ARNT2: variants seen among roughly 807,000 people sequenced by gnomAD.
ARNT2 encodes the protein ARNT protein 2.
In ARNT2, 36 loss-of-function variants were observed where a neutral mutation model predicts 91.7. The observed-to-expected ratio is 0.39, with a 90% CI of 0.30 to 0.52. The LOEUF is 0.52. Among genes scored for constraint, ARNT2 ranks in the 20% least tolerant of loss-of-function variants. ARNT2 has a pLI of 0.72. For synonymous variants in ARNT2, 365 were observed against 347.1 expected, an observed-to-expected ratio of 1.05 and a Z score of -0.57; for missense variants, 775 against 939.3, an observed-to-expected ratio of 0.83 and a Z score of 2.29.
Position 80,593,751 on chromosome 15 carries a change from G to A in ARNT2, c.*53G>A, listed in dbSNP as rs1398764228. On this transcript the variant is annotated 3_prime_UTR_variant, in exon 19 of 19. Transcript: ENST00000303329. ...ACAGTGCCACCCATACTGTGATGTC[G>A]ATGCCCATGTGAATGAGGCCCACCC... 2.7e-6 allele frequency: 4 copies of A among 1,503,696 alleles called. No individual in the cohort carries two copies. Among genetic ancestry groups the A allele is most frequent in the Admixed American group, 1.9e-5 (1 of 52,000 alleles). The allele number at this position is 1,503,696 out of a possible 1,614,324, so 93.1% of individuals were successfully genotyped here.
intron 8 of ARNT2, among the ~76,000 whole-genome samples, chr15:80,524,099 A>G (rs896890268): frequency 9.2e-5 from 14 of 152,250 alleles, no homozygotes; most frequent in African/African-American, 2.9e-4. Context: ...AGAAATGAGC[A>G]AAGGCAATGA....
At chr15:80,520,283 G>A (rs181299749) in intron 8 of ARNT2, among the ~76,000 whole-genome samples, 17 of 152,256 alleles carry the variant, frequency 1.1e-4, no homozygotes, top group South Asian at 8.3e-4. Flanking sequence ...TATTAAAGTC[G>A]TAAACCTCTG....
chr15:80,429,819 A>C (rs1046014982), intron 1 of ARNT2, among the ~76,000 whole-genome samples: 1 of 152,078 alleles, frequency 6.6e-6, no homozygotes, highest in Non-Finnish European at 1.5e-5. Flanking sequence ...AGTTTGAGAA[A>C]AAAGCCCGCC....
rs747721660 is a variant in ARNT2, at chr15:80,470,447, C to T, written c.408+16C>T. ...CACAGAGCAGGTACCCTGGTCATCA[C>T]ATCACCATTGGAAAGCGGGGGGAAT... On this transcript the variant is annotated intron_variant, in intron 4 of 18. Transcript: ENST00000303329. 1.2e-6 allele frequency: 2 copies of T among 1,611,470 alleles called. No individual in the cohort carries two copies. The highest frequency in any genetic ancestry group is 1.1e-5 in the South Asian group (1 of 91,010).
chr15:80,446,237 G>T (rs1979027), intron 1 of ARNT2, among the ~76,000 whole-genome samples: 137,048 of 152,172 alleles, frequency 0.9, 61,797 homozygotes, highest in East Asian at 1. Flanking sequence ...GACGTTCTGT[G>T]CTAGGCGAAA....
At chr15:80,434,931 G>C (rs569997987) in intron 1 of ARNT2, among the ~76,000 whole-genome samples, 1 of 152,284 alleles carries the variant, frequency 6.6e-6, no homozygotes, top group East Asian at 1.9e-4. Flanking sequence ...CAACAGGGGA[G>C]CTGTTTGAGG....
intron 17 of ARNT2, among the ~76,000 whole-genome samples, chr15:80,586,893 G>A (rs768242306): frequency 6.6e-6 from 1 of 151,408 alleles, no homozygotes; most frequent in Non-Finnish European, 1.5e-5. Flanking sequence ...AGTGAGAAAC[G>A]AAAGGCATAA....
At chr15:80,559,296 G>A (rs551363471) in intron 11 of ARNT2, among the ~76,000 whole-genome samples, 1 of 152,322 alleles carries the variant, frequency 6.6e-6, no homozygotes, top group Non-Finnish European at 1.5e-5. Context: ...ATGGGAGGCC[G>A]AGACAGCAGT....
chr15:80,569,616 C>T (rs1898550943), intron 12 of ARNT2, among the ~76,000 whole-genome samples: 1 of 152,206 alleles, frequency 6.6e-6, no homozygotes, highest in Non-Finnish European at 1.5e-5. Flanking sequence ...AGTTAGGGTC[C>T]TGGGGATTTG....
At chr15:80,588,663 C>T (rs993119207) in intron 17 of ARNT2, among the ~76,000 whole-genome samples, 1 of 152,108 alleles carries the variant, frequency 6.6e-6, no homozygotes, top group Non-Finnish European at 1.5e-5. Flanking sequence ...CACCATCAGG[C>T]CTTTGAACAG....
chr15:80,498,076 A>G (rs1897143966), intron 5 of ARNT2, among the ~76,000 whole-genome samples: 1 of 152,148 alleles, frequency 6.6e-6, no homozygotes, highest in South Asian at 2.1e-4. Context: ...GGGCCCTCAG[A>G]AAGCTTTTCT....
chr15:80,431,224 C>T (rs1326129850), intron 1 of ARNT2, among the ~76,000 whole-genome samples: 1 of 152,198 alleles, frequency 6.6e-6, no homozygotes, highest in African/African-American at 2.4e-5. Context: ...ACAGCACGCC[C>T]CCTCTGTCCT....
At chr15:80,484,573 G>A (rs377191051) in intron 5 of ARNT2, among the ~76,000 whole-genome samples, 3 of 152,228 alleles carry the variant, frequency 2.0e-5, no homozygotes, top group African/African-American at 7.2e-5. Flanking sequence ...TACATGCATA[G>A]CATGGCTGAT....
At chr15:80,506,071 G>T (rs1452333913) in intron 5 of ARNT2, among the ~76,000 whole-genome samples, 1 of 151,812 alleles carries the variant, frequency 6.6e-6, no homozygotes, top group African/African-American at 2.4e-5. Context: ...CGAGTAGCTG[G>T]GACTACAGGT....
intron 2 of ARNT2, among the ~76,000 whole-genome samples, chr15:80,456,770 C>A (rs1266931240): frequency 6.6e-6 from 1 of 152,158 alleles, no homozygotes; most frequent in Non-Finnish European, 1.5e-5. Context: ...GTATGGGTCA[C>A]CCTTACTGGG....
At chr15:80,451,362 C>T (rs1196560603) in intron 2 of ARNT2, among the ~76,000 whole-genome samples, 2 of 152,258 alleles carry the variant, frequency 1.3e-5, no homozygotes, top group African/African-American at 4.8e-5. Context: ...AGATTCCACC[C>T]TGGTGCTGTC....
intron 8 of ARNT2, among the ~76,000 whole-genome samples, chr15:80,527,855 G>C (rs1281299436): frequency 1.3e-5 from 2 of 152,200 alleles, no homozygotes; most frequent in Admixed American, 1.3e-4. Context: ...TGGCTGCTAG[G>C]GAAGATGGCT....
intron 12 of ARNT2, among the ~76,000 whole-genome samples, chr15:80,569,869 A>G (rs1811482801): frequency 6.6e-6 from 1 of 152,280 alleles, no homozygotes; most frequent in Non-Finnish European, 1.5e-5. Context: ...TCCGGGGCAC[A>G]GCTACACAAC....
intron 8 of ARNT2, among the ~76,000 whole-genome samples, chr15:80,529,371 G>T (rs77396342): frequency 7.2e-4 from 110 of 152,310 alleles, no homozygotes; most frequent in African/African-American, 2.6e-3. Context: ...GCTTTGCATT[G>T]CATAGTGGGG....
Sources: allele counts gnomAD v4.1 joint callset (sites outside exome capture counted in the v4.1 genomes callset), GRCh38; gene constraint gnomAD v4.1.1; transcripts MANE v1.5; gene names NCBI Gene and HGNC (gene_info 2026-07-23, HGNC 2026-07-21).